SV2C: variants seen among roughly 807,000 people sequenced by gnomAD.
The protein encoded by SV2C is solute carrier family 22 member B3.
A neutral mutation model predicts 79.7 loss-of-function variants in SV2C; 49 were observed. The ratio of observed to expected loss-of-function variants is 0.61; its 90% CI spans 0.49 to 0.78. The LOEUF is 0.78. SV2C is among the 30% of genes least tolerant of loss of function. SV2C has a pLI of 0.00. For missense variants in SV2C, 833 were observed against 912.9 expected (o/e 0.91, Z 1.13); for synonymous variants, 334 against 333.2 (o/e 1.00, Z -0.03).
At chr5:75,900,594 A>C in the SV2C span, among the ~76,000 whole-genome samples, 2 of 152,014 alleles carry the variant, frequency 1.3e-5, no homozygotes, top group African/African-American at 2.4e-5. Context: ...GTATTTCCTG[A>C]ATCTGAATGT....
intron 2 of SV2C, among the ~76,000 whole-genome samples, chr5:76,178,319 G>A (rs1184139895): frequency 6.6e-6 from 1 of 152,216 alleles, no homozygotes; most frequent in African/African-American, 2.4e-5. Context: ...TTGCAGCTGT[G>A]TTGTACAGTC....
the SV2C span, among the ~76,000 whole-genome samples, chr5:75,900,230 C>T: frequency 6.6e-6 from 1 of 152,152 alleles, no homozygotes; most frequent in Non-Finnish European, 1.5e-5. Flanking sequence ...TTTAGCGCTT[C>T]CTTCAGGAGC....
the SV2C span, among the ~76,000 whole-genome samples, chr5:75,976,528 G>C: frequency 6.6e-6 from 1 of 152,068 alleles, no homozygotes; most frequent in African/African-American, 2.4e-5. Flanking sequence ...ACAGAGTCCA[G>C]TCTCGGTGGT....
chr5:76,238,765 C>T (rs1466612396), intron 4 of SV2C, among the ~76,000 whole-genome samples: 2 of 152,122 alleles, frequency 1.3e-5, no homozygotes, highest in Non-Finnish European at 2.9e-5. Flanking sequence ...GTAAGCCTGA[C>T]TCCTGGGGTT....
In SV2C at chr5:76,121,581, A is replaced by C. The variant is rs1308329457; in HGVS notation, c.-101-10069A>C. 5.0e-3 allele frequency among the ~76,000 whole-genome samples: 746 copies of C among 150,364 alleles called. 8 individuals carry two copies. The highest frequency in any genetic ancestry group is 0.017 in the African/African-American group (710 of 40,606). ...GGAAGGGATCCAGTTTCAGCTTTCTACATATGGCTAGCCAGTTTTCCCAGC... is the reference window on the plus strand; with the variant it reads ...GGAAGGGATCCAGTTTCAGCTTTCTCCATATGGCTAGCCAGTTTTCCCAGC... On this transcript the variant is annotated intron_variant, in intron 1 of 12. Coordinates refer to ENST00000502798, the MANE Select transcript of SV2C (RefSeq NM_014979.4).
the SV2C span, among the ~76,000 whole-genome samples, chr5:75,940,798 T>C: frequency 6.6e-6 from 1 of 152,276 alleles, no homozygotes; most frequent in East Asian, 1.9e-4. Context: ...TGCAAGAGAT[T>C]CTTAATCTTT....
chr5:75,926,495 T>G, the SV2C span, among the ~76,000 whole-genome samples: 1 of 152,220 alleles, frequency 6.6e-6, no homozygotes, highest in Non-Finnish European at 1.5e-5. Context: ...TTTCCATTTT[T>G]GTTTTTCCTG....
chr5:76,208,308 A>G (rs1410440995), intron 3 of SV2C, among the ~76,000 whole-genome samples: 1 of 152,182 alleles, frequency 6.6e-6, no homozygotes, highest in Non-Finnish European at 1.5e-5. Flanking sequence ...TATTTTTATC[A>G]CTATCTCATT....
At chr5:76,092,274 T>G (rs1747401910) in intron 1 of SV2C, among the ~76,000 whole-genome samples, 3 of 152,176 alleles carry the variant, frequency 2.0e-5, no homozygotes, top group Admixed American at 2.0e-4. Flanking sequence ...AAGGCACCAG[T>G]AGAGGTGGTA....
At chr5:76,208,223 T>C (rs1160565097) in intron 3 of SV2C, among the ~76,000 whole-genome samples, 6 of 152,260 alleles carry the variant, frequency 3.9e-5, no homozygotes, top group Non-Finnish European at 8.8e-5. Flanking sequence ...ATATTATACA[T>C]TACAAATACA....
chr5:76,028,749 G>C, the SV2C span, among the ~76,000 whole-genome samples: 1 of 152,096 alleles, frequency 6.6e-6, no homozygotes, highest in Admixed American at 6.5e-5. Flanking sequence ...ATTTTTGTTG[G>C]GCCAGGGAGG....
intron 12 of SV2C, among the ~76,000 whole-genome samples, chr5:76,351,167 C>T (rs1211747541): frequency 2.0e-5 from 3 of 152,114 alleles, no homozygotes; most frequent in Non-Finnish European, 4.4e-5. Context: ...ATATCTTAGG[C>T]CAGGTGAGAT....
chr5:76,086,940 C>T (rs1177070938), intron 1 of SV2C, among the ~76,000 whole-genome samples: 1 of 152,120 alleles, frequency 6.6e-6, no homozygotes, highest in African/African-American at 2.4e-5. Flanking sequence ...AGGTATTGAA[C>T]AAAATGAAAT....
At chr5:75,921,023 C>T in the SV2C span, 5 of 719,652 alleles carry the variant, frequency 6.9e-6, no homozygotes, top group Non-Finnish European at 1.3e-5. Flanking sequence ...GTTCTCATCC[C>T]TAATCACCAC....
intron 2 of SV2C, among the ~76,000 whole-genome samples, chr5:76,171,605 A>AG (rs1743256702): frequency 7.5e-6 from 1 of 132,602 alleles, no homozygotes; most frequent in African/African-American, 2.8e-5. Flanking sequence ...TCCAGGAGAG[A>AG]GGTGGGGGGG....
chr5:75,966,369 A>G, the SV2C span, among the ~76,000 whole-genome samples: 3 of 152,152 alleles, frequency 2.0e-5, no homozygotes, highest in Admixed American at 2.0e-4. Context: ...CCAGACCCCA[A>G]ATAAATTTTT....
rs573605922 is a variant in SV2C, at chr5:76,143,711, T to G, written c.580+11381T>G. Among the ~76,000 whole-genome samples, 26 of 152,328 alleles carry G rather than the reference T, an allele frequency of 1.7e-4. No homozygotes were observed. In the South Asian group the frequency reaches 5.2e-3, roughly 30 times the overall value. ...AGAAGAGTTGTCTCTTGTGCTGGCT[T>G]TCTGCCTTCCTAGTAGTGGTTCTAC... is the stretch of plus-strand genomic sequence containing the variant. On this transcript the variant is annotated intron_variant, in intron 2 of 12. Transcript: ENST00000502798.
chr5:75,888,346 T>A, the SV2C span, among the ~76,000 whole-genome samples: 1 of 109,604 alleles, frequency 9.1e-6, no homozygotes, highest in African/African-American at 5.5e-5. Flanking sequence ...AAAAAAAAAT[T>A]TTTTTTTTGA....
intron 12 of SV2C, among the ~76,000 whole-genome samples, chr5:76,316,150 A>G (rs1436224725): frequency 6.6e-6 from 1 of 152,248 alleles, no homozygotes; most frequent in African/African-American, 2.4e-5. Context: ...AAAATTGTCT[A>G]AATCCTCTGA....
Sources: gnomAD v4.1 joint callset for allele counts (sites outside exome capture counted in the v4.1 genomes callset) on GRCh38, gnomAD v4.1.1 for gene constraint, MANE v1.5 for transcripts, NCBI Gene and HGNC (gene_info 2026-07-23, HGNC 2026-07-21) for gene names.